DCLK1: variants seen among roughly 807,000 people sequenced by gnomAD.
DCLK1 encodes doublecortin like kinase 1.
Under a neutral mutation model 86.2 loss-of-function variants are expected in DCLK1, and 16 were observed. That is an observed-to-expected ratio of 0.19 (90% CI 0.13 to 0.28). The LOEUF (loss-of-function observed/expected upper bound fraction) is 0.28, where lower values mean the gene tolerates loss of function less well. Among genes scored for constraint, DCLK1 ranks in the 10% least tolerant of loss-of-function variants. DCLK1 has a pLI of 1.00. For missense variants in DCLK1, 590 were observed against 940.2 expected (o/e 0.63, Z 4.87); for synonymous variants, 369 against 370.5 (o/e 1.00, Z 0.05).
chr13:35,805,125 G>A (rs539490165), intron 15 of DCLK1, among the ~76,000 whole-genome samples: 8 of 152,286 alleles, frequency 5.3e-5, no homozygotes, highest in East Asian at 1.9e-4. Flanking sequence ...AATCTGGACC[G>A]CAGAAAGCAG....
intron 16 of DCLK1, among the ~76,000 whole-genome samples, chr13:35,778,586 C>T (rs2086467652): frequency 6.6e-6 from 1 of 152,076 alleles, no homozygotes; most frequent in Non-Finnish European, 1.5e-5. Context: ...AAGATGGGCA[C>T]CCGACCCCAT....
intron 2 of DCLK1, among the ~76,000 whole-genome samples, chr13:36,117,662 A>G (rs1885836537): frequency 6.6e-6 from 1 of 152,226 alleles, no homozygotes; most frequent in South Asian, 2.1e-4. Flanking sequence ...AACTGTGACA[A>G]GCACACACAA....
At chr13:36,022,526 C>G (rs952167720) in intron 3 of DCLK1, among the ~76,000 whole-genome samples, 2 of 151,240 alleles carry the variant, frequency 1.3e-5, no homozygotes, top group Non-Finnish European at 3.0e-5. Context: ...GAAAAAAAAA[C>G]TTATTGAGAA....
chr13:35,951,869 A>T (rs1372984405), intron 3 of DCLK1, among the ~76,000 whole-genome samples: 1 of 152,146 alleles, frequency 6.6e-6, no homozygotes, highest in East Asian at 1.9e-4. Context: ...CTGTTTCTGT[A>T]GATCCTAGCT....
At chr13:35,959,108 T>C (rs1878306901) in intron 3 of DCLK1, among the ~76,000 whole-genome samples, 1 of 152,224 alleles carries the variant, frequency 6.6e-6, no homozygotes, top group African/African-American at 2.4e-5. Flanking sequence ...TGATTCTTAA[T>C]GGCCTCTTAA....
intron 16 of DCLK1, among the ~76,000 whole-genome samples, chr13:35,792,970 A>G (rs2086733891): frequency 6.6e-6 from 1 of 152,126 alleles, no homozygotes; most frequent in African/African-American, 2.4e-5. Flanking sequence ...TAGTGTTCCA[A>G]GCTCTCCCTG....
At chr13:36,106,422 A>G (rs1885397745) in intron 3 of DCLK1, among the ~76,000 whole-genome samples, 2 of 152,188 alleles carry the variant, frequency 1.3e-5, no homozygotes, top group Admixed American at 6.5e-5. Flanking sequence ...GCTCTAATAA[A>G]TCATGAGGAT....
At position 36,073,675 on chromosome 13, in the gene DCLK1, C is replaced by A. The variant is rs546136265; in HGVS notation, c.723+38194G>T. Reference sequence around the variant, plus strand: ...TAACACAAATCAGCCCTCCAGACAGCCAAGGAGGATGGCTCTGTCTGGCTC... The same window carrying A: ...TAACACAAATCAGCCCTCCAGACAGACAAGGAGGATGGCTCTGTCTGGCTC... On this transcript the variant is annotated intron_variant, in intron 3 of 16. Coordinates refer to ENST00000360631, the MANE Select transcript of DCLK1 (RefSeq NM_001330071.2). Among the ~76,000 whole-genome samples the A allele has an allele frequency of 5.9e-5, 9 of 152,226 alleles. No homozygotes were observed. The South Asian group carries it at 1.9e-3, about 32-fold the overall frequency.
rs9601968 is a variant in DCLK1, at chr13:36,041,123, C to G, written c.723+70746G>C. ...TATGTGTTCATTGCTACTAGGCCCT[C>G]TCAGTTGATAGAGCAAAGAAATATA... On this transcript the variant is annotated intron_variant, in intron 3 of 16. Transcript: ENST00000360631. Among the ~76,000 whole-genome samples, 400 of 152,258 alleles carry G rather than the reference C, an allele frequency of 2.6e-3. 1 individual carries two copies. Among genetic ancestry groups the G allele is most frequent in the African/African-American group, 9.0e-3 (375 of 41,566 alleles).
chr13:35,819,113 G>C (rs2087336422), intron 11 of DCLK1, among the ~76,000 whole-genome samples: 2 of 152,062 alleles, frequency 1.3e-5, no homozygotes, highest in African/African-American at 4.8e-5. Context: ...CAATTATTAA[G>C]TACCAGGCAT....
upstream of DCLK1, among the ~76,000 whole-genome samples, chr13:36,131,776 A>T (rs945835569): frequency 6.6e-6 from 1 of 152,162 alleles, no homozygotes; most frequent in African/African-American, 2.4e-5. Flanking sequence ...ATACCTTTTG[A>T]TGTGACCTCA....
intron 4 of DCLK1, among the ~76,000 whole-genome samples, chr13:35,920,568 G>A (rs531310219): frequency 5.5e-4 from 84 of 152,170 alleles, no homozygotes; most frequent in Non-Finnish European, 9.1e-4. Context: ...GGGTTGTGGA[G>A]GAAACCAATG....
At chr13:36,071,833 GA>G (rs1300255093) in intron 3 of DCLK1, among the ~76,000 whole-genome samples, 9 of 152,102 alleles carry the variant, frequency 5.9e-5, no homozygotes, top group African/African-American at 2.2e-4. Context: ...TGGTTGTAGG[GA>G]AAAATCTTAC....
rs1228751893 is a variant in DCLK1, at chr13:35,812,968, CACA to C, written c.1555-2003_1555-2001del. On this transcript the variant is annotated intron_variant, in intron 11 of 16. Coordinates refer to ENST00000360631, the MANE Select transcript of DCLK1 (RefSeq NM_001330071.2). ...ACTTTGAGGCATCACAGCTGCAAAACACAACATCGGCCCCAGCCTAACTGTTCT... is the reference window on the plus strand; with the variant it reads ...ACTTTGAGGCATCACAGCTGCAAAACACATCGGCCCCAGCCTAACTGTTCT... Among the ~76,000 whole-genome samples, 3 of 152,336 alleles carry C rather than the reference CACA, an allele frequency of 2.0e-5. No individual in the cohort carries two copies. In the East Asian group the frequency reaches 5.8e-4, roughly 29 times the overall value.
intron 8 of DCLK1, among the ~76,000 whole-genome samples, chr13:35,829,604 T>G (rs967988216): frequency 1.3e-5 from 2 of 152,136 alleles, no homozygotes; most frequent in Non-Finnish European, 2.9e-5. Flanking sequence ...TTCTAGAAAT[T>G]TTTCATGTCA....
intron 3 of DCLK1, among the ~76,000 whole-genome samples, chr13:35,970,671 T>C (rs1879019569): frequency 6.6e-6 from 1 of 152,146 alleles, no homozygotes; most frequent in Non-Finnish European, 1.5e-5. Context: ...ACTGGACCCT[T>C]ACCAGACACC....
chr13:35,815,804 G>A (rs1008160807), intron 11 of DCLK1, among the ~76,000 whole-genome samples: 1 of 151,034 alleles, frequency 6.6e-6, no homozygotes, highest in Admixed American at 6.6e-5. Context: ...TAAATCTCCT[G>A]GAAAAACATA....
chr13:36,120,585 T>G (rs551465690), intron 2 of DCLK1, among the ~76,000 whole-genome samples: 1 of 152,048 alleles, frequency 6.6e-6, no homozygotes, highest in Admixed American at 6.6e-5. Flanking sequence ...TCAGAACATA[T>G]CCACACTATT....
intron 4 of DCLK1, among the ~76,000 whole-genome samples, chr13:35,873,549 C>T (rs1566579734): frequency 6.6e-6 from 1 of 151,864 alleles, no homozygotes; most frequent in Non-Finnish European, 1.5e-5. Flanking sequence ...CCATGCCTGG[C>T]TAATTTTTGT....
Sources: gnomAD v4.1 joint callset for allele counts (sites outside exome capture counted in the v4.1 genomes callset) on GRCh38, gnomAD v4.1.1 for gene constraint, MANE v1.5 for transcripts, NCBI Gene and HGNC (gene_info 2026-07-23, HGNC 2026-07-21) for gene names.